The following TEX15 variants were observed in gnomAD, a reference collection of about 807,000 sequenced individuals.
TEX15 encodes the protein testis expressed 15, meiosis and synapsis associated.
TEX15 carries 171 observed loss-of-function variants against 237.3 expected under a neutral mutation model. That is an observed-to-expected ratio of 0.72 (90% CI 0.64 to 0.82). The LOEUF (loss-of-function observed/expected upper bound fraction) is 0.82, where lower values mean the gene tolerates loss of function less well. Among genes scored for constraint, TEX15 ranks in the 40% least tolerant of loss-of-function variants. TEX15 has a pLI of 0.00. For missense variants in TEX15, 3,750 were observed against 3,646.5 expected, an observed-to-expected ratio of 1.03 and a Z score of -0.73; for synonymous variants, 1,338 against 1,269.8, an observed-to-expected ratio of 1.05 and a Z score of -1.14.
chr8:30,846,017 C>T lies in TEX15; in HGVS notation c.4150G>A (p.Val1384Ile). Residue 1384 changes from valine (V) to isoleucine (I), a missense_variant, in exon 8 of 11, where the codon GTT (valine) becomes ATT (isoleucine). Coordinates refer to ENST00000643185, the MANE Select transcript of TEX15 (RefSeq NM_001350162.2). ...CTATGAGCTTTTTTTAAGTGAACAA[C>T]TGCTTTGTCTAGTTTTCTGGAAAGA... ...KCLSRKLDKA[V>I]VHLKKAHRRV... 1 of 1,613,120 alleles carries T rather than the reference C, an allele frequency of 6.2e-7. No individual in the cohort carries two copies. The highest frequency in any genetic ancestry group is 8.5e-7 in the Non-Finnish European group (1 of 1,179,536).
intron 3 of TEX15, among the ~76,000 whole-genome samples, chr8:30,886,274 A>C (rs1808643495): frequency 1.3e-5 from 2 of 152,220 alleles, no homozygotes; most frequent in African/African-American, 4.8e-5. Flanking sequence ...AATACTATGC[A>C]GAGGTGAAGT....
Position 30,837,080 on chromosome 8 carries a change from T to C in TEX15, c.9204A>G (p.Glu3068=). The C allele has an allele frequency of 6.2e-7, 1 of 1,614,210 alleles. No individual in the cohort carries two copies. Among genetic ancestry groups the C allele is most frequent in the Non-Finnish European group, 8.5e-7 (1 of 1,180,044 alleles). The change falls in exon 10 of 11, where the codon GAA becomes GAG. Residue 3068 remains glutamate (E), a synonymous_variant. Coordinates refer to ENST00000643185, the MANE Select transcript of TEX15 (RefSeq NM_001350162.2). ...ACAGCCCAGAAGGAGATGGCTGTACTTCATATGATGTTATCCCTTGGTATG... is the reference window on the plus strand; with the variant it reads ...ACAGCCCAGAAGGAGATGGCTGTACCTCATATGATGTTATCCCTTGGTATG... ...TQTYQGITSY[E]VQPSPSGLLT...
intron 10 of TEX15, among the ~76,000 whole-genome samples, 199 bp downstream of exon 10, chr8:30,836,604 G>A (rs1045178982): frequency 6.6e-6 from 1 of 152,112 alleles, no homozygotes; most frequent in African/African-American, 2.4e-5. Context: ...TAGTGATACT[G>A]ACAGTTTTTT....
intron 2 of TEX15, among the ~76,000 whole-genome samples, chr8:30,889,955 A>AC (rs1808762337): frequency 9.2e-6 from 1 of 108,690 alleles, no homozygotes; most frequent in African/African-American, 4.8e-5. Flanking sequence ...ATATATATAC[A>AC]TATATATATA....
At chr8:30,899,085 C>G (rs776495087) in intron 1 of TEX15, among the ~76,000 whole-genome samples, 9 of 152,120 alleles carry the variant, frequency 5.9e-5, no homozygotes, top group Non-Finnish European at 1.2e-4. Context: ...AGTACATTCT[C>G]ATCTGCTATC....
Position 30,848,961 on chromosome 8 carries a change from A to T in TEX15, c.1206T>A (p.Ser402Arg). 1 of 1,614,100 alleles carries T rather than the reference A, an allele frequency of 6.2e-7. No individual in the cohort carries two copies. The highest frequency in any genetic ancestry group is 8.5e-7 in the Non-Finnish European group (1 of 1,179,972). ...TAAGACCACTTAAAATATTTTTAAG[A>T]CTTGTCCAATTTAACAAAAGGTCAC... The part of the protein sequence containing the change: ...VNGDLLLNWT[S>R]LKNILSGLNA... The change falls in exon 8 of 11, where the codon AGT becomes AGA. Residue 402 changes from serine to arginine, a missense_variant. By Grantham distance (110) the Ser-to-Arg change is moderately radical (BLOSUM62 -1). Transcript: ENST00000643185.
chr8:30,858,310 TTTC>T (rs1275947926), intron 7 of TEX15, among the ~76,000 whole-genome samples: 72 of 152,042 alleles, frequency 4.7e-4, no homozygotes, highest in Admixed American at 3.7e-3. Flanking sequence ...TTTTTATCTT[TTTC>T]TTTTTTTTTT....
chr8:30,848,486 C>T lies in TEX15; in HGVS notation c.1681G>A (p.Ala561Thr). 1 of 1,614,110 alleles carries T rather than the reference C, an allele frequency of 6.2e-7. No homozygotes were observed. Among genetic ancestry groups the T allele is most frequent in the Non-Finnish European group, 8.5e-7 (1 of 1,179,990 alleles). ...CCGGACTCCTGTTGGGCTCTCTGAG[C>T]CTTCTCCTCACTGTGGTTTTGGTTC... is the stretch of plus-strand genomic sequence containing the variant. ...VENQNHSEEK[A>T]QRAQQESGNA... Residue 561 changes from alanine to threonine, a missense_variant, in exon 8 of 11, where the codon GCT becomes ACT. By Grantham distance (58) the Ala-to-Thr change is moderately conservative. Transcript: ENST00000643185.
Position 30,842,915 on chromosome 8 carries a change from T to C in TEX15, c.7252A>G (p.Ile2418Val), listed in dbSNP as rs781541299. Residue 2418 changes from isoleucine (I) to valine (V), a missense_variant, in exon 8 of 11, where the codon ATC (isoleucine) becomes GTC (valine). Coordinates refer to ENST00000643185, the MANE Select transcript of TEX15 (RefSeq NM_001350162.2). Reference protein sequence around the residue: ...LQDNNMDNIFITEENVLDVVI... With the variant: ...LQDNNMDNIFVTEENVLDVVI... ...ACGTCTAAAACATTTTCTTCTGTGA[T>C]AAAAATATTATCCATGTTATTATCT... The C allele has an allele frequency of 2.5e-6, 4 of 1,609,230 alleles. No individual in the cohort carries two copies. The Admixed American group carries it at 6.7e-5, about 27-fold the overall frequency.
intron 7 of TEX15, 86 bp from the exon 8 acceptor site, chr8:30,849,402 T>C (rs1232621652): frequency 1.3e-6 from 1 of 747,196 alleles, no homozygotes; most frequent in Admixed American, 3.2e-5. Flanking sequence ...CCAGTAATTT[T>C]AATTGAAAGT....
Position 30,858,664 on chromosome 8 carries a change from T to C in TEX15, c.850+4A>G. 6.5e-7 allele frequency: 1 copy of C among 1,529,060 alleles called. No individual in the cohort carries two copies. Among genetic ancestry groups the C allele is most frequent in the African/African-American group, 1.4e-5 (1 of 72,692 alleles). The allele number at this position is 1,529,060 out of a possible 1,614,324, so 94.7% of individuals were successfully genotyped here. On this transcript the variant is annotated splice_donor_region_variant and intron_variant, in intron 7 of 10. Transcript: ENST00000643185. The stretch of plus-strand genomic sequence containing the variant: ...AATCAAGTACAATCATATGTGTATC[T>C]TACCAGCTCTCTTAGGAAATCCTGT...
At chr8:30,875,143 C>A (rs773790241) in intron 3 of TEX15, 41 bp from the exon 4 acceptor site, 2 of 1,172,758 alleles carry the variant, frequency 1.7e-6, no homozygotes, top group South Asian at 8.6e-5. Context: ...TTTAAAATGA[C>A]ATTATTGGAC....
chr8:30,875,828 T>G (rs953307957), intron 3 of TEX15, among the ~76,000 whole-genome samples: 1 of 151,836 alleles, frequency 6.6e-6, no homozygotes, highest in Non-Finnish European at 1.5e-5. Context: ...TTTTTTTCCT[T>G]AGAGACAGGC....
chr8:30,890,054 GA>G (rs1210801777), intron 2 of TEX15, among the ~76,000 whole-genome samples: 1 of 149,616 alleles, frequency 6.7e-6, no homozygotes, highest in Non-Finnish European at 1.5e-5. Context: ...GACAGAGAAA[GA>G]AATCAATTCT....
intron 3 of TEX15, among the ~76,000 whole-genome samples, chr8:30,880,218 AC>A (rs1459152109): frequency 1.8e-5 from 2 of 112,740 alleles, no homozygotes; most frequent in African/African-American, 1.6e-4. Context: ...TTTAGTAGAG[AC>A]GGGGTTTCGC....
In TEX15 at chr8:30,848,446, T is replaced by C. The variant is rs761001870; in HGVS notation, c.1721A>G (p.Lys574Arg). 8.1e-6 allele frequency: 13 copies of C among 1,614,158 alleles called. No homozygotes were observed. Among genetic ancestry groups the C allele is most frequent in the Middle Eastern group, 3.3e-4 (2 of 6,062 alleles). The part of the protein sequence containing the change: ...AQQESGNAYT[K>R]EYSSHIFQDS... ...CTGAAAAATGTGACTACTGTACTCT[T>C]TTGTATAAGCATTACCGGACTCCTG... Residue 574 changes from lysine (K) to arginine (R), a missense_variant, in exon 8 of 11, where the codon AAA (lysine) becomes AGA (arginine). Transcript: ENST00000643185.
Position 30,845,876 on chromosome 8 carries a change from C to A in TEX15, c.4291G>T (p.Gly1431Cys). The change falls in exon 8 of 11, where the codon GGT becomes TGT. Residue 1431 changes from glycine to cysteine, a missense_variant. Physicochemically the swap from Gly to Cys is radical, Grantham distance 159 (BLOSUM62 -3). Coordinates refer to ENST00000643185, the MANE Select transcript of TEX15 (RefSeq NM_001350162.2). Reference sequence around the variant, plus strand: ...TTTCTTTGAGACACAGAACTATAACCTTGAAGGTCACAACTTTCCCAGAAA... The same window carrying A: ...TTTCTTTGAGACACAGAACTATAACATTGAAGGTCACAACTTTCCCAGAAA... ...NNFWESCDLQGYSSVSQRKYY... is the reference protein window; with the variant it reads ...NNFWESCDLQCYSSVSQRKYY... 1 of 1,613,104 alleles carries A rather than the reference C, an allele frequency of 6.2e-7. No homozygotes were observed. The highest frequency in any genetic ancestry group is 8.5e-7 in the Non-Finnish European group (1 of 1,179,572).
rs377679676 is a variant in TEX15 at position 30,837,237 on chromosome 8, C to T, written c.9047G>A (p.Trp3016Ter). ...KVLMQNAATY[W>*]NELPQSACNP... ...ACATGCAGACTGTGGAAGTTCATTCCAATATGTGGCAGCATTCTGCATTAG... is the reference window on the plus strand; with the variant it reads ...ACATGCAGACTGTGGAAGTTCATTCTAATATGTGGCAGCATTCTGCATTAG... The change falls in exon 10 of 11, where the codon TGG becomes TAG. Residue 3016 changes from tryptophan to a stop codon, truncating the protein, a stop_gained. Coordinates refer to ENST00000643185, the MANE Select transcript of TEX15 (RefSeq NM_001350162.2). LOFTEE classifies it high-confidence loss of function. The T allele has an allele frequency of 6.2e-7, 1 of 1,613,946 alleles. No individual in the cohort carries two copies. Among genetic ancestry groups the T allele is most frequent in the Non-Finnish European group, 8.5e-7 (1 of 1,179,996 alleles).
At chr8:30,877,946 A>T (rs1214702278) in intron 3 of TEX15, among the ~76,000 whole-genome samples, 1 of 151,634 alleles carries the variant, frequency 6.6e-6, no homozygotes, top group Non-Finnish European at 1.5e-5. Flanking sequence ...TCCTTTATAT[A>T]TTTTTTCATA....
Sources: gnomAD v4.1 joint callset for allele counts (sites outside exome capture counted in the v4.1 genomes callset) on GRCh38, gnomAD v4.1.1 for gene constraint, MANE v1.5 for transcripts, NCBI Gene and HGNC (gene_info 2026-07-23, HGNC 2026-07-21) for gene names.